DLG2: variants seen among roughly 807,000 people sequenced by gnomAD.
DLG2 encodes disks large homolog 2.
DLG2 carries 45 observed loss-of-function variants against 132.5 expected under a neutral mutation model. The ratio of observed to expected loss-of-function variants is 0.34; its 90% CI spans 0.27 to 0.44. The LOEUF (loss-of-function observed/expected upper bound fraction) is 0.44. Among genes scored for constraint, DLG2 ranks in the 20% least tolerant of loss-of-function variants. The pLI, the probability that DLG2 is intolerant of heterozygous loss-of-function variation, is 1.00. For missense variants in DLG2, 1,045 were observed against 1,196.9 expected (o/e 0.87, Z 1.87); for synonymous variants, 424 against 419.6 (o/e 1.01, Z -0.13).
At chr11:84,492,593 C>G (rs2099168141) in intron 7 of DLG2, among the ~76,000 whole-genome samples, 1 of 152,090 alleles carries the variant, frequency 6.6e-6, no homozygotes, top group South Asian at 2.1e-4. Context: ...AGAAAATAAT[C>G]ACATATAACT....
intron 19 of DLG2, among the ~76,000 whole-genome samples, chr11:83,548,932 C>A (rs913579677): frequency 6.6e-6 from 1 of 152,098 alleles, no homozygotes; most frequent in Non-Finnish European, 1.5e-5. Flanking sequence ...CAGGAGCTCC[C>A]AGACCAAGTC....
At chr11:85,549,634 T>C (rs1339296795) in intron 3 of DLG2, among the ~76,000 whole-genome samples, 1 of 152,176 alleles carries the variant, frequency 6.6e-6, no homozygotes, top group Non-Finnish European at 1.5e-5. Context: ...CCCAGGAGGT[T>C]AGGCATTCTA....
chr11:84,769,926 T>C (rs2069011871), intron 6 of DLG2, among the ~76,000 whole-genome samples: 1 of 152,200 alleles, frequency 6.6e-6, no homozygotes, highest in Non-Finnish European at 1.5e-5. Context: ...AAGTGCTAAG[T>C]GAATTTGTTA....
intron 8 of DLG2, among the ~76,000 whole-genome samples, chr11:84,213,762 T>C (rs529418132): frequency 6.7e-4 from 90 of 135,282 alleles, no homozygotes; most frequent in South Asian, 5.4e-3. Context: ...GAGCTTGCAG[T>C]GAGCCGAGAC....
At chr11:85,400,122 G>C (rs1427157732) in intron 3 of DLG2, among the ~76,000 whole-genome samples, 1 of 152,132 alleles carries the variant, frequency 6.6e-6, no homozygotes, top group Non-Finnish European at 1.5e-5. Flanking sequence ...GTGGGCAAAC[G>C]ATAGGAACAG....
At chr11:83,787,409 C>T (rs1319255854) in intron 17 of DLG2, among the ~76,000 whole-genome samples, 20 of 148,474 alleles carry the variant, frequency 1.3e-4, no homozygotes, top group African/African-American at 5.0e-4. Flanking sequence ...GCAAGCTCCG[C>T]CTCCCGGGTT....
intron 6 of DLG2, among the ~76,000 whole-genome samples, chr11:84,714,553 C>CTCTCTCTCTCTT (rs1391760351): frequency 0.013 from 1,412 of 109,164 alleles, 27 homozygotes; most frequent in Non-Finnish European, 0.018. Context: ...TTCTCTTTCT[C>CTCTCTCTCTCTT]TCTCTTTCTC....
At chr11:84,291,458 C>A (rs2097996517) in intron 7 of DLG2, among the ~76,000 whole-genome samples, 1 of 152,072 alleles carries the variant, frequency 6.6e-6, no homozygotes, top group Non-Finnish European at 1.5e-5. Flanking sequence ...TATATCCCCT[C>A]ATTGAAAACA....
chr11:84,357,675 T>A (rs1244364864), intron 7 of DLG2, among the ~76,000 whole-genome samples: 3 of 152,050 alleles, frequency 2.0e-5, no homozygotes, highest in Non-Finnish European at 4.4e-5. Context: ...AATTAAAAAC[T>A]GAATTTCACA....
At chr11:83,564,218 C>G (rs2096663514) in intron 19 of DLG2, among the ~76,000 whole-genome samples, 1 of 151,616 alleles carries the variant, frequency 6.6e-6, no homozygotes, top group African/African-American at 2.4e-5. Flanking sequence ...GTTAGGGATT[C>G]TTTTTTAACT....
intron 10 of DLG2, among the ~76,000 whole-genome samples, chr11:84,098,035 C>CTTTTTTTTTTTTTTT (rs35298703): frequency 4.1e-5 from 5 of 121,844 alleles, no homozygotes; most frequent in African/African-American, 1.3e-4. Flanking sequence ...CACCATGTGC[C>CTTTTTTTTTTTTTTT]TTTTTTTTTT....
At chr11:84,285,517 G>C (rs776291991) in intron 7 of DLG2, among the ~76,000 whole-genome samples, 1 of 152,098 alleles carries the variant, frequency 6.6e-6, no homozygotes, top group African/African-American at 2.4e-5. Context: ...TCTCCAGAAT[G>C]CTCTCCCACT....
intron 3 of DLG2, among the ~76,000 whole-genome samples, chr11:85,470,338 C>A (rs7951307): frequency 0.11 from 16,876 of 151,800 alleles, 1,115 homozygotes; most frequent in African/African-American, 0.18. Flanking sequence ...TTTTGGATGA[C>A]AATTTTTATG....
At chr11:85,331,262 A>G (rs1298835081) in intron 3 of DLG2, among the ~76,000 whole-genome samples, 1 of 152,202 alleles carries the variant, frequency 6.6e-6, no homozygotes, top group African/African-American at 2.4e-5. Context: ...AAATATGTAA[A>G]TAGACGCCCT....
At chr11:84,920,298 C>G (rs2092695016) in intron 6 of DLG2, among the ~76,000 whole-genome samples, 1 of 152,146 alleles carries the variant, frequency 6.6e-6, no homozygotes, top group Non-Finnish European at 1.5e-5. Flanking sequence ...CTTCTTAGCT[C>G]CATGCTTTTG....
rs190544974 is a variant in DLG2 at position 84,119,020 on chromosome 11, C to T, written c.625-19973G>A. Among the ~76,000 whole-genome samples the T allele has an allele frequency of 7.2e-4, 110 of 152,144 alleles. No homozygotes were observed. In the Middle Eastern group the frequency reaches 0.01, roughly 14 times the overall value. ...TGCCACATTACAATAAATGATAGAC[C>T]AACCTCCAGAGTATTGGCTTCGACC... is the stretch of plus-strand genomic sequence containing the variant. On this transcript the variant is annotated intron_variant, in intron 9 of 27. Coordinates refer to ENST00000376104, the MANE Select transcript of DLG2 (RefSeq NM_001142699.3).
intron 11 of DLG2, among the ~76,000 whole-genome samples, chr11:84,021,019 A>G (rs1411293573): frequency 6.6e-6 from 1 of 152,206 alleles, no homozygotes; most frequent in East Asian, 1.9e-4. Context: ...TCAGCAAACA[A>G]TATAGAAAGG....
At chr11:84,749,101 C>G (rs1322625297) in intron 6 of DLG2, among the ~76,000 whole-genome samples, 1 of 152,134 alleles carries the variant, frequency 6.6e-6, no homozygotes, top group Non-Finnish European at 1.5e-5. Context: ...TTATAACCCA[C>G]CCTCCCTTAT....
intron 10 of DLG2, among the ~76,000 whole-genome samples, chr11:84,086,421 C>A (rs2096981390): frequency 6.6e-6 from 1 of 151,924 alleles, no homozygotes; most frequent in African/African-American, 2.4e-5. Context: ...AGTACAGTCA[C>A]AGAGTTGTCC....
Sources: allele counts gnomAD v4.1 joint callset (sites outside exome capture counted in the v4.1 genomes callset), GRCh38; gene constraint gnomAD v4.1.1; transcripts MANE v1.5; gene names NCBI Gene and HGNC (gene_info 2026-07-23, HGNC 2026-07-21).